Variants in REST observed in about 807,000 individuals in gnomAD.
REST encodes RE1-silencing transcription factor.
A neutral mutation model predicts 30.4 loss-of-function variants in REST; 1 was observed. The ratio of observed to expected loss-of-function variants is 0.03; its 90% confidence interval spans 0.01 to 0.16. The LOEUF (loss-of-function observed/expected upper bound fraction) is 0.16. Among genes scored for constraint, REST ranks in the 10% least tolerant of loss-of-function variants. REST has a pLI of 1.00. For synonymous variants in REST, 504 were observed against 451.1 expected (o/e 1.12, Z -1.49); for missense variants, 1,259 against 1,329.5 (o/e 0.95, Z 0.82).
rs763563599 is a variant in REST at position 56,911,063 on chromosome 4, C to G, written c.425C>G (p.Pro142Arg). 36 of 1,613,974 alleles carry G rather than the reference C, an allele frequency of 2.2e-5. No homozygotes were observed. Among genetic ancestry groups the G allele is most frequent in the African/African-American group, 4.0e-5 (3 of 74,902 alleles). The change falls in exon 2 of 4, where the codon CCT (proline) becomes CGT (arginine). Residue 142 changes from proline (P) to arginine (R), a missense_variant. By Grantham distance (103) the Pro-to-Arg change is moderately radical (BLOSUM62 -2). Transcript: ENST00000309042. ...DIYSSNKDLP[P>R]ETPGAEDKGK... ...TACAGTTCAAATAAAGATCTTCCCC[C>G]TGAAACACCTGGAGCGGAGGACAAA...
rs1015264916 is a variant in REST, at chr4:56,920,938, T to G, written c.982+1068T>G. ...TGGAGTGCAGTAGTGCGATCTCAGC[T>G]CACCGCAACCTCCGCTTCCCAGGTT... is the stretch of plus-strand genomic sequence containing the variant. On this transcript the variant is annotated intron_variant, in intron 3 of 3. Coordinates refer to ENST00000309042, the MANE Select transcript of REST (RefSeq NM_005612.5). Among the ~76,000 whole-genome samples the G allele has an allele frequency of 3.3e-5, 5 of 152,260 alleles. No homozygotes were observed. In the East Asian group the frequency reaches 5.8e-4, roughly 18 times the overall value.
At chr4:56,927,618 G>A in intron 3 of REST, 1 of 1,183,800 alleles carries the variant, frequency 8.4e-7, no homozygotes, top group South Asian at 1.5e-5. Context: ...GGACCAGTGG[G>A]GTATGGATAC....
Position 56,930,970 on chromosome 4 carries a change from T to C in REST, c.2112T>C (p.Ala704=). The C allele has an allele frequency of 6.2e-7, 1 of 1,613,966 alleles. No homozygotes were observed. The highest frequency in any genetic ancestry group is 8.5e-7 in the Non-Finnish European group (1 of 1,179,802). Reference sequence around the variant, plus strand: ...CGGAGGTTGCCCAAATGGGGCCTGCTCCCATGGAACCTGCTCAGATGGAGG... The same window carrying C: ...CGGAGGTTGCCCAAATGGGGCCTGCCCCCATGGAACCTGCTCAGATGGAGG... ...AQTEVAQMGP[A]PMEPAQMEVA... The change falls in exon 4 of 4, where the codon GCT becomes GCC. Residue 704 remains alanine (A), a synonymous_variant. Transcript: ENST00000309042.
rs1720995102 is a variant in REST at position 56,932,013 on chromosome 4, C to T, written c.3155C>T (p.Ala1052Val). ...AGAAAAAATGCAAAGGAAGCCTTGG[C>T]AGTCAAAGCGGCTAAGGGAGATTTT... Reference protein sequence around the residue: ...SSRKNAKEALAVKAAKGDFVC... With the variant: ...SSRKNAKEALVVKAAKGDFVC... The change falls in exon 4 of 4, where the codon GCA becomes GTA. Residue 1052 changes from alanine (A) to valine (V), a missense_variant. Physicochemically the swap from Ala to Val is moderately conservative, Grantham distance 64 (BLOSUM62 0). This residue lies in a region of REST where 856 missense variants were observed against 772.8 expected (regional missense o/e 1.11). Transcript: ENST00000309042. 1 of 1,614,082 alleles carries T rather than the reference C, an allele frequency of 6.2e-7. No individual in the cohort carries two copies. The highest frequency in any genetic ancestry group is 8.5e-7 in the Non-Finnish European group (1 of 1,180,048).
At chr4:56,928,926 C>A (rs1487815750) in intron 3 of REST, among the ~76,000 whole-genome samples, 2 of 151,698 alleles carry the variant, frequency 1.3e-5, no homozygotes, top group Non-Finnish European at 2.9e-5. Flanking sequence ...TGAGACAGGG[C>A]CTTGCTCTGT....
rs912202739 is a variant in REST at position 56,935,333 on chromosome 4, C to T, written c.*3181C>T. Reference sequence around the variant, plus strand: ...CTGGTGTTCCTAGTTTCCTGGTTGACCTCAGCAGATGAAGTGAACAGATAG... The same window carrying T: ...CTGGTGTTCCTAGTTTCCTGGTTGATCTCAGCAGATGAAGTGAACAGATAG... On this transcript the variant is annotated 3_prime_UTR_variant, in exon 4 of 4. Transcript: ENST00000309042. 1.3e-5 allele frequency: 2 copies of T among 152,136 alleles called. No homozygotes were observed. The highest frequency in any genetic ancestry group is 2.9e-5 in the Non-Finnish European group (2 of 68,022). 9.4% of individuals were successfully genotyped at this position (152,136 alleles called of 1,614,324 possible).
intron 1 of REST, among the ~76,000 whole-genome samples, chr4:56,908,515 G>A (rs1719727994): frequency 6.6e-6 from 1 of 151,920 alleles, no homozygotes. Context: ...ACGCTCCACC[G>A]AGTCAGGTCC....
chr4:56,917,964 A>T lies in REST; in HGVS notation c.899-1823A>T, dbSNP rs140033146. Among the ~76,000 whole-genome samples the T allele has an allele frequency of 5.7e-4, 85 of 149,422 alleles. No individual in the cohort carries two copies. The East Asian group carries it at 0.014, about 25-fold the overall frequency. On this transcript the variant is annotated intron_variant, in intron 2 of 3. Coordinates refer to ENST00000309042, the MANE Select transcript of REST (RefSeq NM_005612.5). ...CTACTCAGGAGGCTGAGGCAGGAGA[A>T]TGGTGTGAACCCAGGAGGCATAGCT...
chr4:56,915,447 A>G (rs1349860439), intron 2 of REST, among the ~76,000 whole-genome samples: 1 of 147,394 alleles, frequency 6.8e-6, no homozygotes, highest in South Asian at 2.2e-4. Flanking sequence ...ACAGCGTTTC[A>G]CCATGTTGGC....
rs34219963 is a variant in REST, at chr4:56,919,376, TA to T, written c.899-401del. On this transcript the variant is annotated intron_variant, in intron 2 of 3. Coordinates refer to ENST00000309042, the MANE Select transcript of REST (RefSeq NM_005612.5). Reference sequence around the variant, plus strand: ...GGTAGTAGATTCATCATTTACAAGTTAAAAAAAAAACCTAAAAACCGGTGTT... The same window carrying T: ...GGTAGTAGATTCATCATTTACAAGTTAAAAAAAAACCTAAAAACCGGTGTT... 9.9e-3 allele frequency among the ~76,000 whole-genome samples: 1,482 copies of T among 149,242 alleles called. 11 individuals are homozygous for T. The highest frequency in any genetic ancestry group is 0.02 in the South Asian group (93 of 4,724).
At chr4:56,911,558 A>G (rs368559841) in intron 2 of REST, 22 bp downstream of exon 2, 59 of 1,581,972 alleles carry the variant, frequency 3.7e-5, no homozygotes, top group South Asian at 1.9e-4. Context: ...TTTCTAGTCC[A>G]TAAGTTCAGT....
intron 3 of REST, among the ~76,000 whole-genome samples, chr4:56,920,990 T>C (rs1460793426): frequency 1.3e-5 from 2 of 151,944 alleles, no homozygotes; most frequent in African/African-American, 4.8e-5. Context: ...CTCAGCCTCC[T>C]GAATAGCTGG....
chr4:56,917,902 A>C (rs937487089), intron 2 of REST, among the ~76,000 whole-genome samples: 1 of 152,000 alleles, frequency 6.6e-6, no homozygotes, highest in Non-Finnish European at 1.5e-5. Context: ...ATACCAAAAA[A>C]TTAGCCGGGC....
intron 3 of REST, among the ~76,000 whole-genome samples, chr4:56,924,606 C>T (rs1051461358): frequency 8.1e-5 from 12 of 147,886 alleles, no homozygotes; most frequent in African/African-American, 1.5e-4. Flanking sequence ...CACAGGTGTG[C>T]GCTACCATGC....
chr4:56,915,473 C>T (rs1720154193), intron 2 of REST, among the ~76,000 whole-genome samples: 1 of 151,912 alleles, frequency 6.6e-6, no homozygotes, highest in Non-Finnish European at 1.5e-5. Flanking sequence ...TGGTCTCGAC[C>T]TCCTGACCTT....
Position 56,930,770 on chromosome 4 carries a change from C to G in REST, c.1912C>G (p.Gln638Glu). The part of the protein sequence containing the change: ...VEPPPPMEHA[Q>E]MEGAQIRPAP... Reference sequence around the variant, plus strand: ...GCCGCCACCTCCCATGGAGCATGCTCAGATGGAGGGTGCCCAGATACGGCC... The same window carrying G: ...GCCGCCACCTCCCATGGAGCATGCTGAGATGGAGGGTGCCCAGATACGGCC... Residue 638 changes from glutamine to glutamate, a missense_variant, in exon 4 of 4, where the codon CAG (glutamine) becomes GAG (glutamate). By Grantham distance (29) the Gln-to-Glu change is conservative (BLOSUM62 2). This residue lies in a region of REST where 856 missense variants were observed against 772.8 expected (regional missense o/e 1.11). Coordinates refer to ENST00000309042, the MANE Select transcript of REST (RefSeq NM_005612.5). The G allele has an allele frequency of 2.5e-6, 4 of 1,604,688 alleles. No homozygotes were observed. The highest frequency in any genetic ancestry group is 3.4e-6 in the Non-Finnish European group (4 of 1,176,398).
chr4:56,932,008 C>G lies in REST; in HGVS notation c.3150C>G (p.Ala1050=), dbSNP rs3796528. 0.055 allele frequency: 88,934 copies of G among 1,614,088 alleles called. 4,945 individuals are homozygous for G. The highest frequency in any genetic ancestry group is 0.25 in the Admixed American group (14,898 of 59,998). The change falls in exon 4 of 4, where the codon GCC becomes GCG. Residue 1050 remains alanine, a synonymous_variant. Coordinates refer to ENST00000309042, the MANE Select transcript of REST (RefSeq NM_005612.5). ...CTAGCAGAAAAAATGCAAAGGAAGC[C>G]TTGGCAGTCAAAGCGGCTAAGGGAG... The part of the protein sequence containing the change: ...QESSRKNAKE[A]LAVKAAKGDF...
Position 56,907,961 on chromosome 4 carries a change from G to C in REST, c.-262G>C. ...TGCCGCGAGCTCGCGGCGCAGCAGC[G>C]GAGCGAGCGCCGCCGAGGCCCGGGG... On this transcript the variant is annotated 5_prime_UTR_variant, in exon 1 of 4. Transcript: ENST00000309042. 2 of 344,354 alleles carry C rather than the reference G, an allele frequency of 5.8e-6. No individual in the cohort carries two copies. The highest frequency in any genetic ancestry group is 2.2e-5 in the African/African-American group (1 of 46,428). 21.3% of individuals were successfully genotyped at this position (344,354 alleles called of 1,614,324 possible).
At chr4:56,919,162 C>T (rs1720336621) in intron 2 of REST, among the ~76,000 whole-genome samples, 1 of 152,010 alleles carries the variant, frequency 6.6e-6, no homozygotes, top group South Asian at 2.1e-4. Context: ...GCCTCAGCCT[C>T]CCAAAGTGCT....
Sources: gnomAD v4.1 joint callset for allele counts (sites outside exome capture counted in the v4.1 genomes callset) on GRCh38, gnomAD v4.1.1 for gene constraint, gnomAD v4.1.1 regional missense constraint, MANE v1.5 for transcripts, NCBI Gene and HGNC (gene_info 2026-07-23, HGNC 2026-07-21) for gene names.